Variants in CACNA1I observed in about 807,000 individuals in gnomAD.
CACNA1I encodes the protein voltage-dependent T-type calcium channel subunit alpha-1I.
CACNA1I carries 74 observed loss-of-function variants against 201.6 expected under a neutral mutation model. The ratio of observed to expected loss-of-function variants is 0.37; its 90% CI spans 0.30 to 0.45. The LOEUF (loss-of-function observed/expected upper bound fraction) is 0.45. Ranked by LOEUF, CACNA1I falls within the 20% of genes least tolerant of loss-of-function variation. The probability of loss-of-function intolerance (pLI) is 1.00; values close to 1 mark genes in which losing one functional copy is unlikely to be tolerated. For synonymous variants in CACNA1I, 1,431 were observed against 1,345.2 expected, an observed-to-expected ratio of 1.06 and a Z score of -1.40; for missense variants, 2,346 against 3,138.1, an observed-to-expected ratio of 0.75 and a Z score of 6.03.
At chr22:39,646,445 A>G (rs1934488703) in intron 7 of CACNA1I, 124 bp from the exon 8 acceptor site, 3 of 1,394,566 alleles carry the variant, frequency 2.2e-6, no homozygotes, top group Admixed American at 2.8e-5. Context: ...CCATCTCCCC[A>G]TCTCCCTCTG....
In CACNA1I at chr22:39,664,919, C is replaced by T; in HGVS notation, c.3847C>T (p.Leu1283=). ...GCGGCTCCTGCGCACCCTACGCCCC[C>T]TGCGGTGAGGACCCCTCCTGGGCGG... ...VLRLLRTLRP[L]RVISRAPGLK... The change falls in exon 21 of 37, where the codon CTG becomes TTG. Residue 1283 remains leucine (L), a synonymous_variant. Coordinates refer to ENST00000402142, the MANE Select transcript of CACNA1I (RefSeq NM_021096.4). 1 of 1,611,772 alleles carries T rather than the reference C, an allele frequency of 6.2e-7. No homozygotes were observed. Among genetic ancestry groups the T allele is most frequent in the Non-Finnish European group, 8.5e-7 (1 of 1,179,812 alleles).
At chr22:39,635,341 G>GT (rs1320372994) in intron 5 of CACNA1I, among the ~76,000 whole-genome samples, 4 of 151,496 alleles carry the variant, frequency 2.6e-5, no homozygotes, top group African/African-American at 9.7e-5. Context: ...GCGGCAGAAG[G>GT]GGGGGGGTCC....
intron 4 of CACNA1I, among the ~76,000 whole-genome samples, chr22:39,626,682 C>T (rs1008086779): frequency 2.2e-4 from 33 of 151,938 alleles, no homozygotes; most frequent in Non-Finnish European, 7.4e-5. Context: ...CTGCAACCTC[C>T]GCCTCCTGGG....
intron 4 of CACNA1I, among the ~76,000 whole-genome samples, 178 bp downstream of exon 4, chr22:39,619,585 C>T (rs745963809): frequency 7.3e-5 from 11 of 151,718 alleles, no homozygotes; most frequent in Admixed American, 3.9e-4. Context: ...ATGTGCCCTG[C>T]TCCCATAGAG....
At chr22:39,655,313 C>T (rs1271562256) in intron 10 of CACNA1I, among the ~76,000 whole-genome samples, 1 of 152,168 alleles carries the variant, frequency 6.6e-6, no homozygotes, top group Admixed American at 6.5e-5. Context: ...ACAGAAATGG[C>T]AGAGGCTGGG....
chr22:39,597,317 A>G (rs1932913903), intron 1 of CACNA1I, among the ~76,000 whole-genome samples: 1 of 151,984 alleles, frequency 6.6e-6, no homozygotes, highest in Non-Finnish European at 1.5e-5. Flanking sequence ...GCGGGACTGG[A>G]CACTGCGGGC....
chr22:39,647,708 CT>C, intron 8 of CACNA1I, 113 bp from the exon 9 acceptor site: 3 of 751,494 alleles, frequency 4.0e-6, no homozygotes, highest in East Asian at 2.6e-5. Context: ...GCCACCGCCC[CT>C]GGCCAAGTTT....
chr22:39,658,558 C>T (rs1934897959), intron 11 of CACNA1I, among the ~76,000 whole-genome samples: 2 of 152,338 alleles, frequency 1.3e-5, no homozygotes, highest in South Asian at 2.1e-4. Context: ...ACAACTGCAT[C>T]GGCTGTCACG....
At chr22:39,682,334 C>T (rs1234993878) in intron 34 of CACNA1I, among the ~76,000 whole-genome samples, 162 bp from the exon 35 acceptor site, 4 of 152,138 alleles carry the variant, frequency 2.6e-5, no homozygotes, top group Non-Finnish European at 4.4e-5. Flanking sequence ...ATTCCTTTCA[C>T]GGGATTTTGG....
chr22:39,635,340 G>C (rs985946546), intron 5 of CACNA1I, among the ~76,000 whole-genome samples: 6 of 136,888 alleles, frequency 4.4e-5, no homozygotes, highest in East Asian at 2.0e-4. Context: ...TGCGGCAGAA[G>C]GGGGGGGGTC....
intron 4 of CACNA1I, among the ~76,000 whole-genome samples, chr22:39,620,273 ATC>A (rs57720017): frequency 0.016 from 841 of 51,024 alleles, 10 homozygotes; most frequent in African/African-American, 0.043. Flanking sequence ...CCATCCATCC[ATC>A]CATACGTACA....
intron 1 of CACNA1I, among the ~76,000 whole-genome samples, chr22:39,575,541 A>G (rs1932316184): frequency 6.6e-6 from 1 of 152,114 alleles, no homozygotes; most frequent in South Asian, 2.1e-4. Flanking sequence ...ATAGAACATA[A>G]CACCTTCAGA....
At chr22:39,642,623 A>C (rs1432849078) in intron 6 of CACNA1I, among the ~76,000 whole-genome samples, 174 bp from the exon 7 acceptor site, 1 of 152,142 alleles carries the variant, frequency 6.6e-6, no homozygotes, top group Non-Finnish European at 1.5e-5. Context: ...ACTGAGCCTC[A>C]GTTTCCTCAC....
Position 39,686,153 on chromosome 22 carries a change from C to T in CACNA1I, c.6420C>T (p.Pro2140=). Residue 2140 remains proline, a synonymous_variant, in exon 37 of 37, where the codon CCC becomes CCT. Transcript: ENST00000402142. ...LSLTSLFCPP[P]PPPAPGLTPA... ...TCACCTCCCTCTTCTGCCCGCCGCC[C>T]CCGCCGCCAGCCCCCGGCCTCACGC... 1 of 1,283,034 alleles carries T rather than the reference C, an allele frequency of 7.8e-7. No individual in the cohort carries two copies. Among genetic ancestry groups the T allele is most frequent in the South Asian group, 2.5e-5 (1 of 39,748 alleles). 79.5% of individuals were successfully genotyped at this position (1,283,034 alleles called of 1,614,324 possible).
At chr22:39,584,340 A>C (rs1254672868) in intron 1 of CACNA1I, among the ~76,000 whole-genome samples, 1 of 152,064 alleles carries the variant, frequency 6.6e-6, no homozygotes, top group Non-Finnish European at 1.5e-5. Context: ...TGGAGGTGGG[A>C]CATGCTGGGG....
chr22:39,662,484 G>A, intron 17 of CACNA1I, 49 bp downstream of exon 17: 1 of 1,313,756 alleles, frequency 7.6e-7, no homozygotes, highest in Non-Finnish European at 1.0e-6. Context: ...GGATAGGACA[G>A]AAGTGGGTGC....
chr22:39,617,083 C>T (rs1933559897), intron 3 of CACNA1I, among the ~76,000 whole-genome samples: 1 of 152,174 alleles, frequency 6.6e-6, no homozygotes, highest in Non-Finnish European at 1.5e-5. Flanking sequence ...AATGGGCCCG[C>T]GCTCAAATGA....
At chr22:39,605,188 C>T (rs1933183658) in intron 3 of CACNA1I, among the ~76,000 whole-genome samples, 1 of 151,844 alleles carries the variant, frequency 6.6e-6, no homozygotes, top group African/African-American at 2.4e-5. Context: ...CTCCCCTTCC[C>T]CAAATTAATT....
chr22:39,611,062 GGCTGGAAAGGGAT>G (rs1259744855), intron 3 of CACNA1I, among the ~76,000 whole-genome samples: 1 of 152,166 alleles, frequency 6.6e-6, no homozygotes, highest in Non-Finnish European at 1.5e-5. Flanking sequence ...TGGTCAGGGA[GGCTGGAAAGGGAT>G]GCTGGACAGG....
Sources: gnomAD v4.1 joint callset for allele counts (sites outside exome capture counted in the v4.1 genomes callset) on GRCh38, gnomAD v4.1.1 for gene constraint, MANE v1.5 for transcripts, NCBI Gene and HGNC (gene_info 2026-07-23, HGNC 2026-07-21) for gene names.